ALK: variants seen among roughly 807,000 people sequenced by gnomAD.
The protein encoded by ALK is ALK tyrosine kinase receptor.
Under a neutral mutation model 163.1 loss-of-function variants are expected in ALK, and 74 were observed. That is an observed-to-expected ratio of 0.45 (90% CI 0.38 to 0.55). ALK has a LOEUF of 0.55. Ranked by LOEUF, ALK falls within the 20% of genes least tolerant of loss-of-function variation. The pLI is 0.00. For synonymous variants in ALK, 960 were observed against 843.2 expected, an observed-to-expected ratio of 1.14 and a Z score of -2.40; for missense variants, 2,063 against 2,105.3, an observed-to-expected ratio of 0.98 and a Z score of 0.39.
rs115640025 is a variant in ALK at position 29,253,442 on chromosome 2, C to T, written c.2042-2175G>A. Among the ~76,000 whole-genome samples, 619 of 152,166 alleles carry T rather than the reference C, an allele frequency of 4.1e-3. 10 individuals carry two copies. The highest frequency in any genetic ancestry group is 0.014 in the African/African-American group (587 of 41,484). On this transcript the variant is annotated intron_variant, in intron 11 of 28. Coordinates refer to ENST00000389048, the MANE Select transcript of ALK (RefSeq NM_004304.5). Reference sequence around the variant, plus strand: ...GGCTGGATTGACATATTAAAAGAAGCAAAGGGGTAGGAAATTTCGCTGCTA... The same window carrying T: ...GGCTGGATTGACATATTAAAAGAAGTAAAGGGGTAGGAAATTTCGCTGCTA...
At chr2:29,691,830 C>T (rs930737286) in intron 3 of ALK, among the ~76,000 whole-genome samples, 1 of 152,130 alleles carries the variant, frequency 6.6e-6, no homozygotes, top group African/African-American at 2.4e-5. Flanking sequence ...TTCTTTAAAG[C>T]ACAAACTTTC....
At position 29,296,882 on chromosome 2, in the gene ALK, G is replaced by T. The variant is rs1558658288; in HGVS notation, c.1817+6C>A. 6.2e-7 allele frequency: 1 copy of T among 1,614,118 alleles called. No homozygotes were observed. Reference sequence around the variant, plus strand: ...AAGGGTATTGGGGGAGATGCATAGAGCCTACCTGTCAGACACATCGAGGAG... The same window carrying T: ...AAGGGTATTGGGGGAGATGCATAGATCCTACCTGTCAGACACATCGAGGAG... On this transcript the variant is annotated splice_donor_region_variant and intron_variant, in intron 9 of 28. Transcript: ENST00000389048.
At chr2:29,333,790 T>G (rs1393960654) in intron 5 of ALK, among the ~76,000 whole-genome samples, 1 of 152,086 alleles carries the variant, frequency 6.6e-6, no homozygotes, top group African/African-American at 2.4e-5. Flanking sequence ...CTGCCTTTTT[T>G]TTGGAGAGAT....
intron 5 of ALK, among the ~76,000 whole-genome samples, chr2:29,370,302 C>T (rs748644951): frequency 1.1e-4 from 16 of 152,154 alleles, no homozygotes; most frequent in Admixed American, 5.9e-4. Flanking sequence ...TAGTCCTCCC[C>T]GAGACAAACT....
At chr2:29,762,065 G>A (rs1033510982) in intron 1 of ALK, among the ~76,000 whole-genome samples, 1 of 152,122 alleles carries the variant, frequency 6.6e-6, no homozygotes, top group Non-Finnish European at 1.5e-5. Context: ...TCGGTAAAGG[G>A]GGAAAGAAAA....
intron 23 of ALK, among the ~76,000 whole-genome samples, chr2:29,219,627 T>G (rs1304516139): frequency 6.6e-6 from 1 of 152,228 alleles, no homozygotes; most frequent in East Asian, 1.9e-4. Context: ...CGGGGCCTGC[T>G]GAAGACCTGC....
intron 8 of ALK, among the ~76,000 whole-genome samples, chr2:29,314,228 G>A (rs891285064): frequency 6.6e-6 from 1 of 152,116 alleles, no homozygotes; most frequent in East Asian, 1.9e-4. Flanking sequence ...GATGGCCAAG[G>A]TCAACTCCAG....
chr2:29,789,629 C>T lies in ALK; in HGVS notation c.668-71932G>A, dbSNP rs190116056. On this transcript the variant is annotated intron_variant, in intron 1 of 28. Coordinates refer to ENST00000389048, the MANE Select transcript of ALK (RefSeq NM_004304.5). ...AACCAAACTGTATGGTGGAGAATGA[C>T]AAAGTGAAGCCATGGGCAGACCCCT... 3.6e-4 allele frequency among the ~76,000 whole-genome samples: 55 copies of T among 152,252 alleles called. 1 individual carries two copies. Among genetic ancestry groups the T allele is most frequent in the Non-Finnish European group, 6.8e-4 (46 of 68,012 alleles).
chr2:29,655,499 A>G (rs965958061), intron 3 of ALK, among the ~76,000 whole-genome samples: 19 of 152,170 alleles, frequency 1.2e-4, no homozygotes, highest in African/African-American at 4.6e-4. Context: ...TTTCACTAAC[A>G]ACAGAGTGCA....
intron 3 of ALK, among the ~76,000 whole-genome samples, chr2:29,636,557 C>T (rs1676537799): frequency 6.6e-6 from 1 of 151,888 alleles, no homozygotes; most frequent in African/African-American, 2.4e-5. Flanking sequence ...TTAGACTTGG[C>T]ACCAAAAAAC....
At chr2:29,615,881 A>C (rs551304461) in intron 3 of ALK, among the ~76,000 whole-genome samples, 1 of 152,362 alleles carries the variant, frequency 6.6e-6, no homozygotes, top group South Asian at 2.1e-4. Flanking sequence ...CAGGAAGTCA[A>C]ATTAGCTAAT....
chr2:29,612,324 T>C (rs554580809), intron 3 of ALK, among the ~76,000 whole-genome samples: 18 of 152,338 alleles, frequency 1.2e-4, no homozygotes, highest in African/African-American at 3.8e-4. Context: ...GCTGTGTGTG[T>C]TGTTTTTAAA....
chr2:29,389,493 C>T (rs1303408537), intron 4 of ALK, among the ~76,000 whole-genome samples: 1 of 152,144 alleles, frequency 6.6e-6, no homozygotes, highest in African/African-American at 2.4e-5. Flanking sequence ...TTTTCATTGG[C>T]CTCTACAGGA....
chr2:29,863,262 AAG>A (rs1558523778), intron 1 of ALK, among the ~76,000 whole-genome samples: 1 of 152,212 alleles, frequency 6.6e-6, no homozygotes, highest in Non-Finnish European at 1.5e-5. Context: ...AAACAGACAA[AAG>A]AGATGGCATC....
chr2:29,732,956 C>G (rs535025414), intron 1 of ALK, among the ~76,000 whole-genome samples: 2 of 151,340 alleles, frequency 1.3e-5, no homozygotes, highest in East Asian at 1.9e-4. Context: ...AAGATAAAGA[C>G]TTTTGAGTTT....
chr2:29,436,988 A>C (rs4128317), intron 4 of ALK, among the ~76,000 whole-genome samples: 40,460 of 152,044 alleles, frequency 0.27, 6,700 homozygotes, highest in Non-Finnish European at 0.37. Flanking sequence ...TCAAATCTAC[A>C]ACCAGTCCCA....
chr2:29,483,108 G>T (rs1458554865), intron 4 of ALK, among the ~76,000 whole-genome samples: 2 of 152,218 alleles, frequency 1.3e-5, no homozygotes, highest in African/African-American at 2.4e-5. Context: ...AAGAGAGCAG[G>T]AATAGGAGTT....
intron 1 of ALK, among the ~76,000 whole-genome samples, chr2:29,812,295 A>G (rs888071507): frequency 6.6e-6 from 1 of 152,188 alleles, no homozygotes; most frequent in Admixed American, 6.5e-5. Context: ...TAAGAGGGTA[A>G]GAGAGGAGGT....
At chr2:29,497,186 C>G (rs555020725) in intron 4 of ALK, among the ~76,000 whole-genome samples, 1 of 152,008 alleles carries the variant, frequency 6.6e-6, no homozygotes, top group Non-Finnish European at 1.5e-5. Flanking sequence ...GCAGGAGAAT[C>G]GCTTGAACCT....
Sources: gnomAD v4.1 joint callset for allele counts (sites outside exome capture counted in the v4.1 genomes callset) on GRCh38, gnomAD v4.1.1 for gene constraint, MANE v1.5 for transcripts, NCBI Gene and HGNC (gene_info 2026-07-23, HGNC 2026-07-21) for gene names.